MEGF11: variants seen among roughly 807,000 people sequenced by gnomAD.
The protein encoded by MEGF11 is multiple EGF like domains 11.
In MEGF11, 126 loss-of-function variants were observed where a neutral mutation model predicts 146.6. That is an observed-to-expected ratio of 0.86 (90% confidence interval 0.74 to 1.00). The LOEUF is 1.00. Ranked by LOEUF, MEGF11 falls within the 50% of genes least tolerant of loss-of-function variation. MEGF11 has a pLI of 0.00. For synonymous variants in MEGF11, 532 were observed against 583.4 expected, an observed-to-expected ratio of 0.91 and a Z score of 1.27; for missense variants, 1,509 against 1,521.2, an observed-to-expected ratio of 0.99 and a Z score of 0.13.
rs561104197 is a variant in MEGF11, at chr15:66,072,116, T to C, written c.394+22286A>G. Among the ~76,000 whole-genome samples the C allele has an allele frequency of 3.3e-5, 5 of 152,348 alleles. No homozygotes were observed. In the East Asian group the frequency reaches 5.8e-4, roughly 18 times the overall value. ...CCGCCCTGCCCTATAGTTCCTTGCA[T>C]GGTGCATGATCACACCCACTAGATA... On this transcript the variant is annotated intron_variant, in intron 5 of 25. Coordinates refer to ENST00000395614, the MANE Select transcript of MEGF11 (RefSeq NM_001385028.1).
chr15:66,122,834 A>G (rs1287752115), intron 3 of MEGF11, among the ~76,000 whole-genome samples: 4 of 152,150 alleles, frequency 2.6e-5, no homozygotes, highest in Admixed American at 1.3e-4. Context: ...GCTGGAGTGC[A>G]GTGGCATGAT....
At chr15:65,931,142 C>T (rs2079561992) in intron 10 of MEGF11, among the ~76,000 whole-genome samples, 199 bp from the exon 11 acceptor site, 2 of 152,104 alleles carry the variant, frequency 1.3e-5, no homozygotes, top group Admixed American at 1.3e-4. Context: ...GTCAGGCGTT[C>T]AGGGGTTATC....
intron 5 of MEGF11, among the ~76,000 whole-genome samples, chr15:65,989,037 G>A (rs2081954567): frequency 6.6e-6 from 1 of 150,632 alleles, no homozygotes; most frequent in African/African-American, 2.5e-5. Flanking sequence ...AAACACTCTT[G>A]CTTGAGATCT....
At chr15:66,209,065 A>G (rs1251707025) in intron 1 of MEGF11, among the ~76,000 whole-genome samples, 1 of 152,082 alleles carries the variant, frequency 6.6e-6, no homozygotes, top group East Asian at 1.9e-4. Context: ...AAAACTAAAC[A>G]TGCAGGCCGG....
rs773547123 is a variant in MEGF11 at position 65,922,464 on chromosome 15, G to T, written c.1831C>A (p.Pro611Thr). The T allele has an allele frequency of 3.8e-6, 6 of 1,573,244 alleles. No individual in the cohort carries two copies. The highest frequency in any genetic ancestry group is 5.2e-6 in the Non-Finnish European group (6 of 1,159,852). ...RGPLCQRICP[P>T]GFYGHGCAQP... Reference sequence around the variant, plus strand: ...GCGCAGCCGTGGCCATAGAACCCAGGGGGGCAGACTGAGGGTGAAGGGAAG... The same window carrying T: ...GCGCAGCCGTGGCCATAGAACCCAGTGGGGCAGACTGAGGGTGAAGGGAAG... Residue 611 changes from proline to threonine, a missense_variant, in exon 15 of 26, where the codon CCT (proline) becomes ACT (threonine). By Grantham distance (38) the Pro-to-Thr change is conservative. Coordinates refer to ENST00000395614, the MANE Select transcript of MEGF11 (RefSeq NM_001385028.1).
intron 1 of MEGF11, among the ~76,000 whole-genome samples, chr15:66,140,208 C>T (rs1233948316): frequency 1.3e-5 from 2 of 152,182 alleles, no homozygotes; most frequent in Non-Finnish European, 2.9e-5. Flanking sequence ...ACACAAAATC[C>T]TGATAAATCC....
intron 5 of MEGF11, among the ~76,000 whole-genome samples, chr15:65,996,530 G>T (rs181622058): frequency 6.6e-6 from 1 of 151,582 alleles, no homozygotes; most frequent in African/African-American, 2.4e-5. Context: ...CTGTCGCCCA[G>T]GCTGGAGTGC....
chr15:66,097,769 A>AT (rs1491152952), intron 4 of MEGF11, among the ~76,000 whole-genome samples: 2 of 140,874 alleles, frequency 1.4e-5, no homozygotes, highest in African/African-American at 5.1e-5. Context: ...AAAAAAAAAA[A>AT]TGCCATCTGT....
chr15:66,035,786 A>G (rs28573797), intron 5 of MEGF11, among the ~76,000 whole-genome samples: 2,747 of 152,340 alleles, frequency 0.018, 69 homozygotes, highest in African/African-American at 0.06. Flanking sequence ...GGTAACCAGC[A>G]TCCTGGATGT....
intron 5 of MEGF11, among the ~76,000 whole-genome samples, chr15:66,072,328 G>T (rs999853392): frequency 1.3e-5 from 2 of 152,132 alleles, no homozygotes; most frequent in African/African-American, 4.8e-5. Flanking sequence ...TCAAGTCTTG[G>T]CTCAAATCTT....
intron 1 of MEGF11, among the ~76,000 whole-genome samples, chr15:66,171,774 C>T (rs1024638596): frequency 1.3e-5 from 2 of 152,042 alleles, no homozygotes; most frequent in East Asian, 1.9e-4. Flanking sequence ...CAGTTCCCCC[C>T]ACCCCCAGCG....
intron 5 of MEGF11, among the ~76,000 whole-genome samples, chr15:66,061,641 CTT>C (rs68146356): frequency 9.1e-5 from 13 of 143,348 alleles, no homozygotes; most frequent in African/African-American, 2.8e-4. Context: ...TTTTTTGAGC[CTT>C]TTTTTTTTTT....
In MEGF11 at chr15:65,922,801, G is replaced by A. The variant is rs773676035; in HGVS notation, c.1822+22C>T. Reference sequence around the variant, plus strand: ...GGAGGATTAGCCCTCTGAGCTCTTCGGGGTCAGGGGATTAGCCTTACTTCT... The same window carrying A: ...GGAGGATTAGCCCTCTGAGCTCTTCAGGGTCAGGGGATTAGCCTTACTTCT... On this transcript the variant is annotated intron_variant, in intron 14 of 25. Coordinates refer to ENST00000395614, the MANE Select transcript of MEGF11 (RefSeq NM_001385028.1). The A allele has an allele frequency of 7.4e-6, 12 of 1,612,912 alleles. No individual in the cohort carries two copies. In the East Asian group the frequency reaches 1.1e-4, roughly 15 times the overall value.
At chr15:66,105,669 T>C (rs1567242767) in intron 4 of MEGF11, among the ~76,000 whole-genome samples, 1 of 152,246 alleles carries the variant, frequency 6.6e-6, no homozygotes, top group Non-Finnish European at 1.5e-5. Flanking sequence ...GAATCCTTTA[T>C]GGAGGACTGA....
chr15:66,230,982 GC>G (rs1204810920), intron 1 of MEGF11, among the ~76,000 whole-genome samples: 1 of 152,112 alleles, frequency 6.6e-6, no homozygotes, highest in East Asian at 1.9e-4. Context: ...CAGCAGCCTT[GC>G]CCAAAGTGGG....
chr15:65,944,658 G>T (rs2080124827), intron 10 of MEGF11, among the ~76,000 whole-genome samples: 1 of 152,140 alleles, frequency 6.6e-6, no homozygotes, highest in African/African-American at 2.4e-5. Context: ...TTTTAGAAAG[G>T]TGCCTGGGCC....
In MEGF11 at chr15:66,143,699, A is replaced by G. The variant is rs553715400; in HGVS notation, c.-8-15288T>C. The stretch of plus-strand genomic sequence containing the variant: ...GGAAGTCACAGCCTGATCCTATTCT[A>G]TTCTCTCTACCTGCTTTCCTGGGCC... On this transcript the variant is annotated intron_variant, in intron 1 of 25. Coordinates refer to ENST00000395614, the MANE Select transcript of MEGF11 (RefSeq NM_001385028.1). Among the ~76,000 whole-genome samples the G allele has an allele frequency of 5.9e-5, 9 of 152,192 alleles. No homozygotes were observed. The South Asian group carries it at 8.3e-4, about 14-fold the overall frequency.
chr15:66,147,839 A>G (rs1045435837), intron 1 of MEGF11, among the ~76,000 whole-genome samples: 1 of 152,248 alleles, frequency 6.6e-6, no homozygotes, highest in Non-Finnish European at 1.5e-5. Flanking sequence ...ATCTGGCCAG[A>G]GTTGTGTTTT....
At chr15:65,917,031 T>G in intron 16 of MEGF11, 75 bp from the exon 17 acceptor site, 1,087 of 1,181,388 alleles carry the variant, frequency 9.2e-4, no homozygotes, top group Non-Finnish European at 1.1e-3. Flanking sequence ...GAAGGGGGAG[T>G]ACATGTCAGA....
Sources: gnomAD v4.1 joint callset for allele counts (sites outside exome capture counted in the v4.1 genomes callset) on GRCh38, gnomAD v4.1.1 for gene constraint, MANE v1.5 for transcripts, NCBI Gene and HGNC (gene_info 2026-07-23, HGNC 2026-07-21) for gene names.